The following SERAC1 variants were observed in gnomAD, a reference collection of about 807,000 sequenced individuals.
SERAC1 encodes serine active site containing 1.
SERAC1 carries 36 observed loss-of-function variants against 85.7 expected under a neutral mutation model. The ratio of observed to expected loss-of-function variants is 0.42; its 90% CI spans 0.32 to 0.55. The LOEUF is 0.55. SERAC1 is among the 20% of genes least tolerant of loss of function. The probability of loss-of-function intolerance (pLI) is 0.11; values close to 1 mark genes in which losing one functional copy is unlikely to be tolerated. For synonymous variants in SERAC1, 242 were observed against 265.3 expected (o/e 0.91, Z 0.85); for missense variants, 629 against 796.2 (o/e 0.79, Z 2.53).
intron 15 of SERAC1, among the ~76,000 whole-genome samples, chr6:158,113,811 T>G (rs891953844): frequency 3.9e-5 from 6 of 152,098 alleles, no homozygotes; most frequent in African/African-American, 1.4e-4. Context: ...AGAGGGTTTA[T>G]CACATTACTG....
chr6:158,125,615 G>T (rs74606995), intron 10 of SERAC1, among the ~76,000 whole-genome samples: 1 of 152,252 alleles, frequency 6.6e-6, no homozygotes, highest in African/African-American at 2.4e-5. Flanking sequence ...TATACTCCCA[G>T]CTACTCGTGA....
intron 8 of SERAC1, among the ~76,000 whole-genome samples, chr6:158,135,952 G>A (rs1394107236): frequency 6.6e-6 from 1 of 152,076 alleles, no homozygotes; most frequent in Non-Finnish European, 1.5e-5. Flanking sequence ...TGGGACTACA[G>A]GCACCTGCCA....
At chr6:158,112,133 G>A (rs149611927) in intron 16 of SERAC1, 2,831 of 152,460 alleles carry the variant, frequency 0.019, 28 homozygotes, top group Middle Eastern at 0.044. Flanking sequence ...GCTTTTGGGC[G>A]AGGCACAGTG....
At chr6:158,121,577 G>A (rs1012181046) in intron 10 of SERAC1, among the ~76,000 whole-genome samples, 1 of 150,960 alleles carries the variant, frequency 6.6e-6, no homozygotes, top group Admixed American at 6.6e-5. Flanking sequence ...CACTCTTTAC[G>A]ACAAAAGTGT....
At chr6:158,157,757 A>G (rs2128424714) in intron 2 of SERAC1, among the ~76,000 whole-genome samples, 1 of 152,358 alleles carries the variant, frequency 6.6e-6, no homozygotes, top group East Asian at 1.9e-4. Context: ...CTGCCTTCAC[A>G]GAGTTTACAG....
chr6:158,141,790 C>T (rs960067876), intron 8 of SERAC1, among the ~76,000 whole-genome samples: 2 of 152,154 alleles, frequency 1.3e-5, no homozygotes, highest in Non-Finnish European at 2.9e-5. Flanking sequence ...AGAGGCCAGA[C>T]GACAGAACTC....
intron 2 of SERAC1, 25 bp downstream of exon 2, chr6:158,158,248 T>C: frequency 1.8e-5 from 27 of 1,528,010 alleles, no homozygotes; most frequent in Non-Finnish European, 2.4e-5. Context: ...TATAAGAAAA[T>C]AAGAGTTGTT....
intron 14 of SERAC1, 44 bp from the exon 15 acceptor site, chr6:158,115,015 C>T (rs769150228): frequency 3.2e-6 from 5 of 1,565,262 alleles, no homozygotes; most frequent in Non-Finnish European, 4.3e-6. Context: ...AGCTATTTTC[C>T]TTCCCTTTAT....
In SERAC1 at chr6:158,120,312, T is replaced by C. The variant is rs1784387538; in HGVS notation, c.1166+113A>G. 1 of 1,088,122 alleles carries C rather than the reference T, an allele frequency of 9.2e-7. No homozygotes were observed. Among genetic ancestry groups the C allele is most frequent in the Non-Finnish European group, 1.3e-6 (1 of 784,116 alleles). 67.4% of individuals were successfully genotyped at this position (1,088,122 alleles called of 1,614,324 possible). On this transcript the variant is annotated intron_variant, in intron 11 of 16. Transcript: ENST00000647468. This position sits in a 1 kb window ranked among gnomAD's most constrained non-coding sequence, Gnocchi z 4.4. ...AAATTATTTTAGTAAATAAGATATTTGACTTATAAGTTATTTAACTTATCT... is the reference window on the plus strand; with the variant it reads ...AAATTATTTTAGTAAATAAGATATTCGACTTATAAGTTATTTAACTTATCT...
At chr6:158,166,796 G>C (rs1048819312) in intron 1 of SERAC1, among the ~76,000 whole-genome samples, 1 of 152,030 alleles carries the variant, frequency 6.6e-6, no homozygotes. Context: ...ATTGTTACTG[G>C]TATACAGAAG....
rs1784116348 is a variant in SERAC1, at chr6:158,110,369, GAGTC to G, written c.*993_*996del. ...CCACTGCACTCCAGCTTGGGCAACA[GAGTC>G]AGACCCTGTCTCTAAACAAACAAAA... On this transcript the variant is annotated 3_prime_UTR_variant, in exon 17 of 17. Transcript: ENST00000647468. 1 of 152,076 alleles carries G rather than the reference GAGTC, an allele frequency of 6.6e-6. No homozygotes were observed. The highest frequency in any genetic ancestry group is 1.5e-5 in the Non-Finnish European group (1 of 68,050). The allele number at this position is 152,076 out of a possible 1,614,324, so 9.4% of individuals were successfully genotyped here.
At position 158,124,441 on chromosome 6, in the gene SERAC1, C is replaced by A. The variant is rs536993138; in HGVS notation, c.1015+3667G>T. Among the ~76,000 whole-genome samples the A allele has an allele frequency of 3.9e-5, 6 of 152,006 alleles. No homozygotes were observed. In the East Asian group the frequency reaches 7.7e-4, roughly 20 times the overall value. On this transcript the variant is annotated intron_variant, in intron 10 of 16. Coordinates refer to ENST00000647468, the MANE Select transcript of SERAC1 (RefSeq NM_032861.4). ...AGTTTCTACATTTGATCAAAAACAC[C>A]AACCCATCAATACAAGGTATTGTAT...
chr6:158,137,593 G>A (rs1208235367), intron 8 of SERAC1, among the ~76,000 whole-genome samples: 7 of 151,974 alleles, frequency 4.6e-5, no homozygotes, highest in African/African-American at 1.2e-4. Flanking sequence ...AAGGTCATAC[G>A]GGCCAGGCAC....
intron 7 of SERAC1, among the ~76,000 whole-genome samples, chr6:158,143,446 C>G (rs1166471343): frequency 6.6e-6 from 1 of 151,396 alleles, no homozygotes; most frequent in African/African-American, 2.4e-5. Flanking sequence ...TGCTTTCAGT[C>G]TTGAAAACAG....
At chr6:158,149,244 G>A (rs1187908378) in intron 4 of SERAC1, among the ~76,000 whole-genome samples, 4 of 151,734 alleles carry the variant, frequency 2.6e-5, no homozygotes, top group Admixed American at 6.6e-5. Context: ...CGCCCTCCTC[G>A]GCCTCCCAAA....
intron 8 of SERAC1, among the ~76,000 whole-genome samples, chr6:158,132,253 T>C (rs1562443499): frequency 6.6e-6 from 1 of 152,192 alleles, no homozygotes; most frequent in Non-Finnish European, 1.5e-5. Flanking sequence ...TTTAGTTAAT[T>C]TATAAGGTCC....
Position 158,121,260 on chromosome 6 carries a change from T to G in SERAC1, c.1016-685A>C, listed in dbSNP as rs9459459. Among the ~76,000 whole-genome samples the G allele has an allele frequency of 8.4e-3, 1,273 of 152,224 alleles. 12 individuals are homozygous for G. The highest frequency in any genetic ancestry group is 0.021 in the East Asian group (110 of 5,182). ...AAGTCGTTACCTTTTAGGAGAGAGA[T>G]AGGGTAGAAGAGGGCTCTGTAAAAA... On this transcript the variant is annotated intron_variant, in intron 10 of 16. Coordinates refer to ENST00000647468, the MANE Select transcript of SERAC1 (RefSeq NM_032861.4).
At chr6:158,113,191 T>C (rs913657579) in intron 16 of SERAC1, 2 of 432,042 alleles carry the variant, frequency 4.6e-6, no homozygotes, top group Admixed American at 3.9e-5. Flanking sequence ...GAGTTCACTG[T>C]TGATGCCTAA....
chr6:158,129,552 C>T (rs1784621071), intron 9 of SERAC1, among the ~76,000 whole-genome samples: 1 of 152,188 alleles, frequency 6.6e-6, no homozygotes, highest in Non-Finnish European at 1.5e-5. Context: ...ACTATGAGCA[C>T]TACAAGGTTT....
Sources: allele counts gnomAD v4.1 joint callset (sites outside exome capture counted in the v4.1 genomes callset), GRCh38; gene constraint gnomAD v4.1.1; non-coding constraint Gnocchi (gnomAD v3.1); transcripts MANE v1.5; gene names NCBI Gene and HGNC (gene_info 2026-07-23, HGNC 2026-07-21).